The following FRAS1 variants were observed in gnomAD, a reference collection of about 807,000 sequenced individuals.
FRAS1 encodes extracellular matrix organizing protein FRAS1.
FRAS1 carries 290 observed loss-of-function variants against 435.2 expected under a neutral mutation model. That is an observed-to-expected ratio of 0.67 (90% CI 0.61 to 0.73). The LOEUF (loss-of-function observed/expected upper bound fraction) is 0.73. Among genes scored for constraint, FRAS1 ranks in the 30% least tolerant of loss-of-function variants. The pLI is 0.00. For synonymous variants in FRAS1, 1,800 were observed against 1,851.0 expected, an observed-to-expected ratio of 0.97 and a Z score of 0.71; for missense variants, 4,860 against 5,001.5, an observed-to-expected ratio of 0.97 and a Z score of 0.85.
intron 2 of FRAS1, among the ~76,000 whole-genome samples, chr4:78,069,426 T>A (rs1740224534): frequency 6.6e-6 from 1 of 152,204 alleles, no homozygotes; most frequent in Non-Finnish European, 1.5e-5. Flanking sequence ...CACTGATTCC[T>A]TTCAATCTCT....
chr4:78,457,210 C>G (rs1366243510), intron 47 of FRAS1, among the ~76,000 whole-genome samples: 1 of 152,194 alleles, frequency 6.6e-6, no homozygotes, highest in South Asian at 2.1e-4. Flanking sequence ...GCCACAATTG[C>G]TTTCCTCCCA....
At chr4:78,498,926 T>G (rs1310583721) in intron 60 of FRAS1, among the ~76,000 whole-genome samples, 1 of 152,046 alleles carries the variant, frequency 6.6e-6, no homozygotes, top group Non-Finnish European at 1.5e-5. Flanking sequence ...TGGCTCACTG[T>G]AGCCTCGACC....
intron 31 of FRAS1, among the ~76,000 whole-genome samples, chr4:78,411,089 A>G (rs1733314426): frequency 1.3e-5 from 2 of 151,270 alleles, no homozygotes; most frequent in African/African-American, 4.8e-5. Context: ...CAGGAAATGC[A>G]GTATAATGAG....
intron 66 of FRAS1, among the ~76,000 whole-genome samples, chr4:78,518,605 T>C (rs1037373157): frequency 5.9e-5 from 9 of 152,072 alleles, no homozygotes; most frequent in Non-Finnish European, 1.2e-4. Flanking sequence ...GTTCATTACA[T>C]AGTAAAATGA....
At position 78,516,002 on chromosome 4, in the gene FRAS1, G is replaced by T. The variant is rs755913689; in HGVS notation, c.10378G>T (p.Ala3460Ser). 1.9e-6 allele frequency: 3 copies of T among 1,612,264 alleles called. No homozygotes were observed. Among genetic ancestry groups the T allele is most frequent in the South Asian group, 1.1e-5 (1 of 90,734 alleles). The change falls in exon 66 of 74, where the codon GCT (alanine) becomes TCT (serine). Residue 3460 changes from alanine to serine, a missense_variant. Coordinates refer to ENST00000512123, the MANE Select transcript of FRAS1 (RefSeq NM_025074.7). ...LIDVCGGSVT[A>S]DFQVRDSAQS... ...TGACGTCTGTGGGGGCTCTGTAACC[G>T]CTGACTTCCAGGTAGGTGCCCCGGG...
At chr4:78,532,852 A>G (rs1226323663) in intron 70 of FRAS1, among the ~76,000 whole-genome samples, 3 of 152,154 alleles carry the variant, frequency 2.0e-5, no homozygotes, top group Non-Finnish European at 2.9e-5. Context: ...TTGTGTGTAT[A>G]TATACACCAC....
chr4:78,489,061 C>T lies in FRAS1; in HGVS notation c.8939C>T (p.Thr2980Ile). 1 of 1,612,998 alleles carries T rather than the reference C, an allele frequency of 6.2e-7. No individual in the cohort carries two copies. The highest frequency in any genetic ancestry group is 1.3e-5 in the African/African-American group (1 of 75,032). The change falls in exon 59 of 74, where the codon ACA (threonine) becomes ATA (isoleucine). Residue 2980 changes from threonine to isoleucine, a missense_variant. Coordinates refer to ENST00000512123, the MANE Select transcript of FRAS1 (RefSeq NM_025074.7). The stretch of plus-strand genomic sequence containing the variant: ...CAAAATGCAGACTCTTCACGGATTA[C>T]ATTTCTCAAAGGGGACAAAGTAAGT... ...ERQNADSSRI[T>I]FLKGDKVKNC...
intron 32 of FRAS1, among the ~76,000 whole-genome samples, chr4:78,415,994 A>G (rs558360543): frequency 1.3e-5 from 2 of 152,350 alleles, no homozygotes; most frequent in Admixed American, 6.5e-5. Flanking sequence ...TCATTGTAGC[A>G]TTATTCACAA....
intron 18 of FRAS1, among the ~76,000 whole-genome samples, chr4:78,331,091 C>A (rs1209465330): frequency 6.6e-6 from 1 of 152,054 alleles, no homozygotes; most frequent in Non-Finnish European, 1.5e-5. Flanking sequence ...TAGAAAAGAA[C>A]CTATGTGAAT....
Position 78,418,928 on chromosome 4 carries a change from TC to T in FRAS1, c.4426-19del, listed in dbSNP as rs1168884329. 9.0e-6 allele frequency: 13 copies of T among 1,437,222 alleles called. No individual in the cohort carries two copies. The highest frequency in any genetic ancestry group is 1.2e-5 in the Non-Finnish European group (12 of 1,031,706). The allele number at this position is 1,437,222 out of a possible 1,614,324, so 89.0% of individuals were successfully genotyped here. ...TGTTTTTCATACCATGTGTTCCTCT[TC>T]CTTCTTAAACTTTGTTTAGGCTAGA... On this transcript the variant is annotated intron_variant, in intron 32 of 73. Transcript: ENST00000512123.
chr4:78,444,969 T>TA (rs1259896173), intron 41 of FRAS1, among the ~76,000 whole-genome samples: 1 of 152,234 alleles, frequency 6.6e-6, no homozygotes, highest in African/African-American at 2.4e-5. Flanking sequence ...GAGGTTCCCT[T>TA]AAGAAACTGG....
intron 2 of FRAS1, among the ~76,000 whole-genome samples, chr4:78,090,224 C>A (rs920186519): frequency 6.6e-6 from 1 of 152,136 alleles, no homozygotes; most frequent in Non-Finnish European, 1.5e-5. Context: ...ACATTTATGA[C>A]CATGCAAGAG....
intron 4 of FRAS1, among the ~76,000 whole-genome samples, chr4:78,251,922 A>G (rs1174573624): frequency 2.6e-5 from 4 of 151,450 alleles, no homozygotes; most frequent in African/African-American, 9.7e-5. Context: ...AACAGTTGAG[A>G]GAGAGAGAGA....
chr4:78,454,822 T>G (rs1719137733), intron 47 of FRAS1, among the ~76,000 whole-genome samples: 1 of 152,204 alleles, frequency 6.6e-6, no homozygotes, highest in Non-Finnish European at 1.5e-5. Context: ...TTGCTTTTTC[T>G]GTTTTCACAG....
intron 63 of FRAS1, 124 bp downstream of exon 63, chr4:78,509,130 G>C: frequency 1.9e-6 from 2 of 1,069,770 alleles, no homozygotes; most frequent in Non-Finnish European, 2.7e-6. Context: ...CAAATAAGCA[G>C]GTGCACAGTC....
rs1725242586 is a variant in FRAS1, at chr4:78,246,280, A to G, written c.309+955A>G. On this transcript the variant is annotated intron_variant, in intron 4 of 73. Transcript: ENST00000512123. ...TCCCCAAGTTAGTGTCTCTTTATTC[A>G]GGAGAGAGCATAGGTTAGTAGGATT... Among the ~76,000 whole-genome samples, 6 of 152,144 alleles carry G rather than the reference A, an allele frequency of 3.9e-5. No individual in the cohort carries two copies. The South Asian group carries it at 1.2e-3, about 32-fold the overall frequency.
Position 78,448,143 on chromosome 4 carries a change from T to C in FRAS1, c.6101T>C (p.Leu2034Pro), listed in dbSNP as rs779890040. 2.1e-5 allele frequency: 34 copies of C among 1,596,184 alleles called. No individual in the cohort carries two copies. The highest frequency in any genetic ancestry group is 3.3e-5 in the Admixed American group (2 of 59,782). The change falls in exon 44 of 74, where the codon CTA (leucine) becomes CCA (proline). Residue 2034 changes from leucine (L) to proline (P), a missense_variant. By Grantham distance (98) the Leu-to-Pro change is moderately conservative (BLOSUM62 -3). Coordinates refer to ENST00000512123, the MANE Select transcript of FRAS1 (RefSeq NM_025074.7). ...QGSTFTYQDI[L>P]AGLVGYVPSV... ...TCAACCTTCACCTACCAGGATATCC[T>C]AGCTGGGCTGGTTGGGTATGTGCCT... is the stretch of plus-strand genomic sequence containing the variant.
intron 40 of FRAS1, among the ~76,000 whole-genome samples, chr4:78,439,276 A>G (rs1734561112): frequency 6.6e-6 from 1 of 152,218 alleles, no homozygotes; most frequent in South Asian, 2.1e-4. Flanking sequence ...TATCTGCATT[A>G]TTTAGTCAAC....
chr4:78,111,856 A>T (rs1014710203), intron 2 of FRAS1, among the ~76,000 whole-genome samples: 4 of 152,114 alleles, frequency 2.6e-5, no homozygotes, highest in African/African-American at 9.7e-5. Flanking sequence ...AGAAAATAAA[A>T]GGAGAATAAA....
Sources: allele counts gnomAD v4.1 joint callset (sites outside exome capture counted in the v4.1 genomes callset), GRCh38; gene constraint gnomAD v4.1.1; transcripts MANE v1.5; gene names NCBI Gene and HGNC (gene_info 2026-07-23, HGNC 2026-07-21).